Variants in RNF169 observed in about 807,000 individuals in gnomAD.
RNF169 encodes the protein ring finger protein 169, also known as E3 ubiquitin-protein ligase RNF169.
In RNF169, 24 loss-of-function variants were observed where a neutral mutation model predicts 53.9. The observed-to-expected ratio is 0.45, with a 90% CI of 0.32 to 0.63. The LOEUF (loss-of-function observed/expected upper bound fraction) is 0.63, where lower values mean the gene tolerates loss of function less well. Among genes scored for constraint, RNF169 ranks in the 20% least tolerant of loss-of-function variants. RNF169 has a pLI of 0.04. For synonymous variants in RNF169, 396 were observed against 363.5 expected (o/e 1.09, Z -1.02); for missense variants, 883 against 906.2 (o/e 0.97, Z 0.33).
At chr11:74,829,228 A>C (rs956464802) in intron 4 of RNF169, among the ~76,000 whole-genome samples, 1 of 152,258 alleles carries the variant, frequency 6.6e-6, no homozygotes, top group African/African-American at 2.4e-5. Context: ...GTGGCCAACC[A>C]GCATATGAAA....
chr11:74,755,243 C>T (rs1350809355), intron 1 of RNF169, among the ~76,000 whole-genome samples: 4 of 152,184 alleles, frequency 2.6e-5, no homozygotes, highest in African/African-American at 9.7e-5. Context: ...GATGAGATTA[C>T]ATGCACTCTA....
chr11:74,838,538 C>G lies in RNF169; in HGVS notation c.*1808C>G, dbSNP rs1183619259. On this transcript the variant is annotated 3_prime_UTR_variant, in exon 6 of 6. Coordinates refer to ENST00000299563, the MANE Select transcript of RNF169 (RefSeq NM_001098638.2). Reference sequence around the variant, plus strand: ...GAGATGTCTTAAACATTGTGGTCATCATTGAGATAGGTGGAATCTCTTTGG... The same window carrying G: ...GAGATGTCTTAAACATTGTGGTCATGATTGAGATAGGTGGAATCTCTTTGG... The G allele has an allele frequency of 6.6e-6, 1 of 152,218 alleles. No individual in the cohort carries two copies. Among genetic ancestry groups the G allele is most frequent in the East Asian group, 1.9e-4 (1 of 5,204 alleles). The allele number at this position is 152,218 out of a possible 1,614,324, so 9.4% of individuals were successfully genotyped here.
intron 1 of RNF169, among the ~76,000 whole-genome samples, chr11:74,779,485 A>G (rs1487529837): frequency 6.6e-6 from 1 of 152,174 alleles, no homozygotes; most frequent in Admixed American, 6.5e-5. Context: ...GTCTTAGGCA[A>G]GGGGGTAGGT....
intron 2 of RNF169, among the ~76,000 whole-genome samples, chr11:74,790,422 T>C (rs1031513133): frequency 6.6e-6 from 1 of 152,222 alleles, no homozygotes; most frequent in African/African-American, 2.4e-5. Context: ...TCAAGCATCA[T>C]CATAAGATAG....
chr11:74,819,505 A>G (rs1397210878), intron 4 of RNF169, among the ~76,000 whole-genome samples: 1 of 152,216 alleles, frequency 6.6e-6, no homozygotes. Flanking sequence ...GTTCATCATT[A>G]TAATACTTAG....
At chr11:74,798,851 A>G (rs909152578) in intron 2 of RNF169, among the ~76,000 whole-genome samples, 2 of 152,094 alleles carry the variant, frequency 1.3e-5, no homozygotes, top group African/African-American at 4.8e-5. Flanking sequence ...GAATATCGGG[A>G]CAGATTCCCT....
At chr11:74,799,455 A>G (rs1418087916) in intron 2 of RNF169, among the ~76,000 whole-genome samples, 1 of 152,224 alleles carries the variant, frequency 6.6e-6, no homozygotes, top group Non-Finnish European at 1.5e-5. Flanking sequence ...CACTTGGAGC[A>G]TTCAAAACAC....
At chr11:74,817,867 G>A (rs1306532903) in intron 4 of RNF169, among the ~76,000 whole-genome samples, 153 bp downstream of exon 4, 1 of 152,086 alleles carries the variant, frequency 6.6e-6, no homozygotes, top group Non-Finnish European at 1.5e-5. Context: ...ATATGGACTA[G>A]GGAAAAAGGG....
intron 1 of RNF169, among the ~76,000 whole-genome samples, chr11:74,768,014 G>A (rs1403205088): frequency 6.6e-6 from 1 of 152,088 alleles, no homozygotes; most frequent in Non-Finnish European, 1.5e-5. Context: ...TTATCAATAA[G>A]GATGATTAGT....
chr11:74,820,080 AG>A (rs2035990141), intron 4 of RNF169, among the ~76,000 whole-genome samples: 2 of 152,164 alleles, frequency 1.3e-5, no homozygotes, highest in African/African-American at 4.8e-5. Context: ...TGAAATCTGA[AG>A]ACCCTCTGGG....
At chr11:74,815,136 G>T (rs775097484) in intron 3 of RNF169, among the ~76,000 whole-genome samples, 2 of 152,026 alleles carry the variant, frequency 1.3e-5, no homozygotes, top group South Asian at 2.1e-4. Flanking sequence ...AGTACCTTGG[G>T]GCTTATTTTT....
Position 74,835,611 on chromosome 11 carries a change from C to G in RNF169, c.1008C>G (p.Arg336=). The change falls in exon 6 of 6, where the codon CGC becomes CGG. Residue 336 remains arginine, a synonymous_variant. Transcript: ENST00000299563. The part of the protein sequence containing the change: ...IGVLLSTQNN[R]CVSAPDLTIE... Reference sequence around the variant, plus strand: ...TCCTCTTGTCAACTCAAAACAACCGCTGCGTCTCGGCCCCTGACTTAACCA... The same window carrying G: ...TCCTCTTGTCAACTCAAAACAACCGGTGCGTCTCGGCCCCTGACTTAACCA... 6.2e-7 allele frequency: 1 copy of G among 1,614,200 alleles called. No homozygotes were observed. Among genetic ancestry groups the G allele is most frequent in the Non-Finnish European group, 8.5e-7 (1 of 1,180,032 alleles).
At chr11:74,833,023 A>C (rs1848271544) in intron 4 of RNF169, among the ~76,000 whole-genome samples, 1 of 152,192 alleles carries the variant, frequency 6.6e-6, no homozygotes, top group South Asian at 2.1e-4. Flanking sequence ...CACATCTTTC[A>C]TTTGGGTTAA....
intron 1 of RNF169, among the ~76,000 whole-genome samples, chr11:74,761,872 T>C (rs1207519891): frequency 6.8e-6 from 1 of 147,694 alleles, no homozygotes; most frequent in African/African-American, 2.5e-5. Flanking sequence ...TTGGGGAAGT[T>C]CTCCTGGATA....
intron 2 of RNF169, among the ~76,000 whole-genome samples, chr11:74,793,231 G>A (rs752741358): frequency 4.6e-5 from 7 of 152,348 alleles, no homozygotes; most frequent in Non-Finnish European, 1.0e-4. Flanking sequence ...TATGGGAACA[G>A]GGATTAGCAG....
chr11:74,821,657 C>CAAAAAAAA (rs1230736435), intron 4 of RNF169, among the ~76,000 whole-genome samples: 60 of 26,028 alleles, frequency 2.3e-3, no homozygotes, highest in Non-Finnish European at 2.6e-3. Flanking sequence ...GACTCCGTCT[C>CAAAAAAAA]AAAAAAAAAA....
At chr11:74,773,945 G>T (rs964383236) in intron 1 of RNF169, among the ~76,000 whole-genome samples, 1 of 152,130 alleles carries the variant, frequency 6.6e-6, no homozygotes, top group African/African-American at 2.4e-5. Flanking sequence ...CATTCATTTT[G>T]TACCCCCTCA....
intron 1 of RNF169, among the ~76,000 whole-genome samples, chr11:74,753,256 A>C (rs1324424487): frequency 6.6e-6 from 1 of 152,216 alleles, no homozygotes; most frequent in Non-Finnish European, 1.5e-5. Flanking sequence ...GCGGTGAGCC[A>C]CCGCGCCCAG....
chr11:74,825,316 T>C (rs2036078747), intron 4 of RNF169, among the ~76,000 whole-genome samples: 1 of 152,072 alleles, frequency 6.6e-6, no homozygotes, highest in African/African-American at 2.4e-5. Flanking sequence ...AATTAACAAA[T>C]ATGTGGAAAT....
Sources: allele counts gnomAD v4.1 joint callset (sites outside exome capture counted in the v4.1 genomes callset), GRCh38; gene constraint gnomAD v4.1.1; transcripts MANE v1.5; gene names NCBI Gene and HGNC (gene_info 2026-07-23, HGNC 2026-07-21).